ADSL: variants seen among roughly 807,000 people sequenced by gnomAD.
ADSL encodes adenylosuccinate lyase.
A neutral mutation model predicts 62.1 loss-of-function variants in ADSL; 44 were observed. The ratio of observed to expected loss-of-function variants is 0.71; its 90% CI spans 0.56 to 0.91. ADSL has a LOEUF of 0.91. ADSL is among the 40% of genes least tolerant of loss of function. The pLI is 0.00. For missense variants in ADSL, 531 were observed against 627.4 expected (o/e 0.85, Z 1.64); for synonymous variants, 198 against 220.5 (o/e 0.90, Z 0.90).
intron 2 of ADSL, chr22:40,350,285 G>A (rs1489668917): frequency 1.1e-5 from 5 of 448,532 alleles, no homozygotes; most frequent in African/African-American, 8.0e-5. Context: ...CACCACACTC[G>A]GCTAATTTTT....
At chr22:40,372,122 C>CCT (rs768398221), downstream of ADSL, among the ~76,000 whole-genome samples, 9 of 65,212 alleles carry the variant, frequency 1.4e-4, no homozygotes, top group South Asian at 8.1e-4. Context: ...TCCCCCCCCC[C>CCT]TTTTTTTTTT....
chr22:40,361,244 G>A, intron 7 of ADSL, 29 bp from the exon 8 acceptor site: 1 of 1,605,464 alleles, frequency 6.2e-7, no homozygotes, highest in Non-Finnish European at 8.5e-7. Context: ...GACAGTGTGG[G>A]GTGATGCTTA....
chr22:40,355,609 A>G (rs889247942), intron 4 of ADSL, among the ~76,000 whole-genome samples: 10 of 152,120 alleles, frequency 6.6e-5, no homozygotes, highest in Admixed American at 1.3e-4. Flanking sequence ...CATTTACCCA[A>G]TTGTCAACAA....
At chr22:40,380,729 A>T (rs1286451143) in intron 2 of ADSL, among the ~76,000 whole-genome samples, 2 of 152,124 alleles carry the variant, frequency 1.3e-5, no homozygotes, top group African/African-American at 4.8e-5. Context: ...TGAGCCCAGG[A>T]ATTTAAGACC....
intron 9 of ADSL, 68 bp downstream of exon 9, chr22:40,361,703 A>G (rs1735706401): frequency 3.2e-6 from 5 of 1,581,638 alleles, no homozygotes; most frequent in Non-Finnish European, 3.4e-6. Context: ...CTAGAAGTAA[A>G]AGGACATATT....
chr22:40,387,076 C>G, intron 2 of ADSL: 1 of 394,346 alleles, frequency 2.5e-6, no homozygotes. Context: ...AAGTTGATAA[C>G]TAGAGTTGTG....
At position 40,368,739 on chromosome 22, in the gene ADSL, C is replaced by G. The variant is rs987624004; in HGVS notation, c.*2217C>G. On this transcript the variant is annotated 3_prime_UTR_variant, in exon 13 of 13. Transcript: ENST00000623063. Reference sequence around the variant, plus strand: ...GTCAGGAGTTCGAGACCAGCTTGACCGACAAGGTGAAACTCCGTCTCTACT... The same window carrying G: ...GTCAGGAGTTCGAGACCAGCTTGACGGACAAGGTGAAACTCCGTCTCTACT... 6.6e-6 allele frequency: 1 copy of G among 152,114 alleles called. No homozygotes were observed. Among genetic ancestry groups the G allele is most frequent in the Non-Finnish European group, 1.5e-5 (1 of 68,076 alleles). 9.4% of individuals were successfully genotyped at this position (152,114 alleles called of 1,614,324 possible).
At chr22:40,363,723 C>T (rs780967835) in intron 10 of ADSL, among the ~76,000 whole-genome samples, 39 of 145,110 alleles carry the variant, frequency 2.7e-4, no homozygotes, top group African/African-American at 9.7e-4. Flanking sequence ...GCAACAAGAA[C>T]GAAACTCCAT....
chr22:40,375,083 C>T (rs1345229342), intron 2 of ADSL, among the ~76,000 whole-genome samples: 2 of 152,228 alleles, frequency 1.3e-5, no homozygotes, highest in Non-Finnish European at 2.9e-5. Context: ...ACATTCACCT[C>T]TTTTCAGTAG....
In ADSL at chr22:40,358,961, C is replaced by T. The variant is rs1465152683; in HGVS notation, c.580C>T (p.Arg194Cys). The change falls in exon 5 of 13, where the codon CGC (arginine) becomes TGC (cysteine). Residue 194 changes from arginine (R) to cysteine (C), a missense_variant. Arg to Cys is a radical substitution (Grantham distance 180). Coordinates refer to ENST00000623063, the MANE Select transcript of ADSL (RefSeq NM_000026.4). ...QNLKRVRDDL[R>C]FRGVKGTTGT... ...CTTGAAGCGTGTCCGAGATGACCTGCGCTTCCGGGGAGTAAAGGGTACCAC... is the reference window on the plus strand; with the variant it reads ...CTTGAAGCGTGTCCGAGATGACCTGTGCTTCCGGGGAGTAAAGGGTACCAC... 4 of 1,614,050 alleles carry T rather than the reference C, an allele frequency of 2.5e-6. No individual in the cohort carries two copies. Among genetic ancestry groups the T allele is most frequent in the African/African-American group, 1.3e-5 (1 of 74,924 alleles).
chr22:40,386,954 C>T (rs1354899821), intron 2 of ADSL, among the ~76,000 whole-genome samples: 3 of 151,952 alleles, frequency 2.0e-5, no homozygotes, highest in African/African-American at 7.3e-5. Context: ...TTTTTAGTTG[C>T]TTTGTGTCTT....
In ADSL at chr22:40,346,566, CTGGAGGCGATCA is replaced by C; in HGVS notation, c.12_23del (p.Gly5_Gly8del). 6.2e-7 allele frequency: 1 copy of C among 1,604,378 alleles called. No individual in the cohort carries two copies. Among genetic ancestry groups the C allele is most frequent in the South Asian group, 1.1e-5 (1 of 89,624 alleles). ...CGGGGTCGCAGGGTTGGGATGGCGGCTGGAGGCGATCATGGTTCGCCCGACAGCTACCGCTCA... is the reference window on the plus strand; with the variant it reads ...CGGGGTCGCAGGGTTGGGATGGCGGCTGGTTCGCCCGACAGCTACCGCTCA... On this transcript the variant is annotated inframe_deletion, in exon 1 of 13. Coordinates refer to ENST00000623063, the MANE Select transcript of ADSL (RefSeq NM_000026.4).
intron 2 of ADSL, chr22:40,351,900 A>C (rs1315763304): frequency 6.8e-6 from 1 of 147,376 alleles, no homozygotes; most frequent in African/African-American, 2.5e-5. Context: ...TGATCCACCC[A>C]CCTCGGCCTC....
rs71718801 is a variant in ADSL at position 40,366,979 on chromosome 22, TA to T, written c.*474del. On this transcript the variant is annotated 3_prime_UTR_variant, in exon 13 of 13. Coordinates refer to ENST00000623063, the MANE Select transcript of ADSL (RefSeq NM_000026.4). ...GAAGTTTGGAACTACAGTAAATACT[TA>T]AAAAAAAAAAAAAAAAGAACCAAAC... The T allele has an allele frequency of 0.011, 1,549 of 135,860 alleles. 1 individual carries two copies. Among genetic ancestry groups the T allele is most frequent in the South Asian group, 0.033 (155 of 4,760 alleles). 8.4% of individuals were successfully genotyped at this position (135,860 alleles called of 1,614,324 possible). A position where few individuals can be genotyped will look rare whatever the true frequency, so the allele number is the denominator to read the frequency against.
downstream of ADSL, chr22:40,373,607 T>G (rs2045977480): frequency 6.6e-6 from 1 of 152,090 alleles, no homozygotes; most frequent in African/African-American, 2.4e-5. Flanking sequence ...AGGGCAGTTG[T>G]GTTTTTTGTT....
intron 2 of ADSL, among the ~76,000 whole-genome samples, chr22:40,351,523 C>T (rs2044347985): frequency 6.6e-6 from 1 of 151,924 alleles, no homozygotes; most frequent in East Asian, 1.9e-4. Context: ...CCCAGAATGG[C>T]CTTGAACTCC....
rs1008963398 is a variant in ADSL, at chr22:40,367,878, A to G, written c.*1356A>G. ...AAAAAGTTAATAAAGATCAATGTAA[A>G]TAAGTTAATCTTAAACTCAGTATGC... On this transcript the variant is annotated 3_prime_UTR_variant, in exon 13 of 13. Transcript: ENST00000623063. 6.6e-6 allele frequency: 1 copy of G among 152,228 alleles called. No homozygotes were observed. The highest frequency in any genetic ancestry group is 1.5e-5 in the Non-Finnish European group (1 of 68,036). The allele number at this position is 152,228 out of a possible 1,614,324, so 9.4% of individuals were successfully genotyped here. A position where few individuals can be genotyped will look rare whatever the true frequency, so the allele number is the denominator to read the frequency against.
At chr22:40,370,799 C>G (rs946074639), downstream of ADSL, 2 of 152,160 alleles carry the variant, frequency 1.3e-5, no homozygotes, top group Non-Finnish European at 2.9e-5. Flanking sequence ...TCGTATGGGC[C>G]GAAGGCGCCC....
At position 40,348,541 on chromosome 22, in the gene ADSL, C is replaced by T. The variant is rs565912148; in HGVS notation, c.154-1291C>T. On this transcript the variant is annotated intron_variant, in intron 1 of 12. Coordinates refer to ENST00000623063, the MANE Select transcript of ADSL (RefSeq NM_000026.4). ...AACTAGAGGTGCACGCCACCACGCC[C>T]GGCAAATTTTTGTGTTGTTTTGTAG... The T allele has an allele frequency of 3.1e-4, 122 of 398,530 alleles. 1 individual carries two copies. The highest frequency in any genetic ancestry group is 1.8e-3 in the Admixed American group (40 of 22,724). The allele number at this position is 398,530 out of a possible 1,614,324, so 24.7% of individuals were successfully genotyped here. A position where few individuals can be genotyped will look rare whatever the true frequency, so the allele number is the denominator to read the frequency against.
Sources: allele counts gnomAD v4.1 joint callset (sites outside exome capture counted in the v4.1 genomes callset), GRCh38; gene constraint gnomAD v4.1.1; transcripts MANE v1.5; gene names NCBI Gene and HGNC (gene_info 2026-07-23, HGNC 2026-07-21).